Variants in MSRA observed in about 807,000 individuals in gnomAD.
The protein encoded by MSRA is methionine sulfoxide reductase A.
In MSRA, 54 loss-of-function variants were observed where a neutral mutation model predicts 31.3. The ratio of observed to expected loss-of-function variants is 1.73; its 90% CI spans 1.39 to 2.17. The LOEUF is 2.17. Among genes scored for constraint, MSRA ranks in the 30% most tolerant of loss-of-function variants. The probability of loss-of-function intolerance (pLI) is 0.00; values close to 1 mark genes in which losing one functional copy is unlikely to be tolerated. For synonymous variants in MSRA, 169 were observed against 116.5 expected (o/e 1.45, Z -2.90); for missense variants, 507 against 300.9 (o/e 1.69, Z -5.07).
intron 1 of MSRA, among the ~76,000 whole-genome samples, chr8:10,113,216 C>T (rs1800413374): frequency 7.0e-6 from 1 of 143,880 alleles, no homozygotes; most frequent in South Asian, 2.3e-4. Flanking sequence ...TGCTTATAGG[C>T]TGCCCCTTCA....
At chr8:10,297,983 T>G (rs1254042571) in intron 3 of MSRA, among the ~76,000 whole-genome samples, 1 of 152,206 alleles carries the variant, frequency 6.6e-6, no homozygotes, top group Non-Finnish European at 1.5e-5. Context: ...GCTTCAGGTT[T>G]CTCCATTCAG....
chr8:10,387,695 G>A (rs920153142), intron 5 of MSRA, among the ~76,000 whole-genome samples: 1 of 152,180 alleles, frequency 6.6e-6, no homozygotes, highest in Non-Finnish European at 1.5e-5. Flanking sequence ...AGCTGCTCTT[G>A]GAAGAATACA....
rs1453846947 is a variant in MSRA at position 10,181,234 on chromosome 8, A to AG, written c.143-26595dup. ...AGCAGAAGGCCTGGCAGGGAGCAGA[A>AG]GGGGATGCTATTATCTAGAGAGCAA... On this transcript the variant is annotated intron_variant, in intron 1 of 5. Transcript: ENST00000317173. Among the ~76,000 whole-genome samples, 6 of 152,302 alleles carry AG rather than the reference A, an allele frequency of 3.9e-5. No homozygotes were observed. The East Asian group carries it at 9.6e-4, about 24-fold the overall frequency.
intron 3 of MSRA, among the ~76,000 whole-genome samples, chr8:10,265,168 G>C (rs1450005104): frequency 6.6e-6 from 1 of 152,196 alleles, no homozygotes. Flanking sequence ...CCATATTCCA[G>C]AAGTTAGACC....
At chr8:10,178,021 C>G (rs1341087103) in intron 1 of MSRA, among the ~76,000 whole-genome samples, 1 of 152,224 alleles carries the variant, frequency 6.6e-6, no homozygotes, top group Non-Finnish European at 1.5e-5. Flanking sequence ...ACCGCTTCAC[C>G]TGCCTCTTTT....
chr8:10,423,246 C>A (rs1207565768), intron 5 of MSRA, among the ~76,000 whole-genome samples: 3 of 152,176 alleles, frequency 2.0e-5, no homozygotes, highest in Non-Finnish European at 2.9e-5. Flanking sequence ...CTCCTGAGGG[C>A]CAATGAGAGG....
intron 1 of MSRA, among the ~76,000 whole-genome samples, chr8:10,128,391 A>AG (rs1342059202): frequency 1.3e-5 from 2 of 152,174 alleles, no homozygotes; most frequent in African/African-American, 4.8e-5. Context: ...AAAAAAAAAA[A>AG]AAATTCTGTC....
At chr8:10,089,817 CAG>C (rs1207302959) in intron 1 of MSRA, among the ~76,000 whole-genome samples, 2 of 152,174 alleles carry the variant, frequency 1.3e-5, no homozygotes, top group African/African-American at 4.8e-5. Flanking sequence ...AACCCAGTCT[CAG>C]GGAACGAATC....
At position 10,077,523 on chromosome 8, in the gene MSRA, A is replaced by G. The variant is rs557187015; in HGVS notation, c.142+22865A>G. On this transcript the variant is annotated intron_variant, in intron 1 of 5. Coordinates refer to ENST00000317173, the MANE Select transcript of MSRA (RefSeq NM_012331.5). ...TTTTTAAATGAGACAGAGTCTCACT[A>G]TGTTGCCCAGGCTGGTCTTCAACTC... 3.7e-3 allele frequency among the ~76,000 whole-genome samples: 424 copies of G among 114,150 alleles called. 1 individual carries two copies. Among genetic ancestry groups the G allele is most frequent in the Non-Finnish European group, 4.4e-3 (265 of 59,658 alleles). 74.9% of individuals were successfully genotyped at this position (114,150 alleles called of 152,430 possible).
At chr8:10,115,246 T>C (rs1467836903) in intron 1 of MSRA, among the ~76,000 whole-genome samples, 2 of 152,168 alleles carry the variant, frequency 1.3e-5, no homozygotes, top group Non-Finnish European at 2.9e-5. Context: ...TGAAGAAAAA[T>C]ATATTCATAG....
At chr8:10,423,424 G>C (rs1373910992) in intron 5 of MSRA, among the ~76,000 whole-genome samples, 1 of 152,142 alleles carries the variant, frequency 6.6e-6, no homozygotes, top group East Asian at 1.9e-4. Flanking sequence ...AGTGCAGGAA[G>C]GGGGCTCAGG....
At chr8:10,259,220 C>T (rs17751178) in intron 3 of MSRA, among the ~76,000 whole-genome samples, 44,991 of 152,058 alleles carry the variant, frequency 0.3, 8,166 homozygotes, top group Non-Finnish European at 0.43. Context: ...TGGCCACTCT[C>T]TGGCAAAACT....
intron 2 of MSRA, among the ~76,000 whole-genome samples, chr8:10,241,459 G>A (rs1281697209): frequency 6.6e-6 from 1 of 152,144 alleles, no homozygotes; most frequent in African/African-American, 2.4e-5. Flanking sequence ...AAAACTCTTC[G>A]ATTAGCCTGG....
At chr8:10,209,151 A>G (rs1018475151) in intron 2 of MSRA, among the ~76,000 whole-genome samples, 3 of 152,256 alleles carry the variant, frequency 2.0e-5, no homozygotes, top group African/African-American at 4.8e-5. Context: ...TGTAGAAGGC[A>G]TAATGGCCTC....
intron 2 of MSRA, among the ~76,000 whole-genome samples, chr8:10,222,953 A>T (rs762334833): frequency 1.3e-5 from 2 of 152,200 alleles, no homozygotes; most frequent in Non-Finnish European, 2.9e-5. Flanking sequence ...AAGAGAGTAG[A>T]TTTTAAATGT....
chr8:10,234,163 T>C (rs924350409), intron 2 of MSRA, among the ~76,000 whole-genome samples: 4 of 152,130 alleles, frequency 2.6e-5, no homozygotes, highest in Admixed American at 1.3e-4. Flanking sequence ...AAAGATATAT[T>C]TCAGTAAGAT....
chr8:10,397,906 C>A (rs184784763), intron 5 of MSRA, among the ~76,000 whole-genome samples: 1 of 152,278 alleles, frequency 6.6e-6, no homozygotes, highest in East Asian at 1.9e-4. Flanking sequence ...CAGCTTGTTG[C>A]AGGGAAAAGT....
At chr8:10,095,330 A>G (rs907947704) in intron 1 of MSRA, among the ~76,000 whole-genome samples, 5 of 152,228 alleles carry the variant, frequency 3.3e-5, no homozygotes, top group Admixed American at 1.3e-4. Flanking sequence ...GGAACATGTT[A>G]GTAATAATTA....
chr8:10,256,056 C>T (rs1460613637), intron 3 of MSRA, among the ~76,000 whole-genome samples: 1 of 152,064 alleles, frequency 6.6e-6, no homozygotes, highest in Admixed American at 6.6e-5. Context: ...TAATGAGTGA[C>T]CTGTGTCCAC....
Sources: gnomAD v4.1 joint callset for allele counts (sites outside exome capture counted in the v4.1 genomes callset) on GRCh38, gnomAD v4.1.1 for gene constraint, MANE v1.5 for transcripts, NCBI Gene and HGNC (gene_info 2026-07-23, HGNC 2026-07-21) for gene names.